CFAP57: variants seen among roughly 807,000 people sequenced by gnomAD.
The protein encoded by CFAP57 is cilia- and flagella-associated protein 57.
A neutral mutation model predicts 146.8 loss-of-function variants in CFAP57; 116 were observed. That is an observed-to-expected ratio of 0.79 (90% CI 0.68 to 0.92). CFAP57 has a LOEUF of 0.92. Among genes scored for constraint, CFAP57 ranks in the 40% least tolerant of loss-of-function variants. The pLI is 0.00. For synonymous variants in CFAP57, 518 were observed against 552.8 expected (o/e 0.94, Z 0.88); for missense variants, 1,377 against 1,527.2 (o/e 0.90, Z 1.64).
chr1:43,243,096 T>C (rs1327233044), intron 21 of CFAP57, 131 bp from the exon 22 acceptor site: 31 of 1,097,952 alleles, frequency 2.8e-5, no homozygotes, highest in Non-Finnish European at 3.7e-5. Context: ...CAGGCCCCAA[T>C]AGAGGATCCA....
chr1:43,222,054 T>A, intron 14 of CFAP57, 51 bp from the exon 15 acceptor site: 1 of 1,471,242 alleles, frequency 6.8e-7, no homozygotes, highest in East Asian at 2.6e-5. Context: ...TGGGTGTCCC[T>A]GAAGCAAGTG....
chr1:43,238,774 G>T lies in CFAP57; in HGVS notation c.3405+4136G>T. On this transcript the variant is annotated intron_variant, in intron 21 of 22. Coordinates refer to ENST00000372492, the MANE Select transcript of CFAP57 (RefSeq NM_001378189.1). The surrounding 1 kb of genome is among the most constrained non-coding windows in gnomAD (Gnocchi z 4.3). ...TGGAGGTGACATAAATGTGAGGGGG[G>T]ACAGCAGAGCCTGGAAAGCAGTAGT... 6.6e-6 allele frequency among the ~76,000 whole-genome samples: 1 copy of T among 152,090 alleles called. No individual in the cohort carries two copies. The highest frequency in any genetic ancestry group is 1.5e-5 in the Non-Finnish European group (1 of 68,014).
intron 22 of CFAP57, among the ~76,000 whole-genome samples, chr1:43,244,690 G>A (rs1646047125): frequency 6.7e-6 from 1 of 150,310 alleles, no homozygotes; most frequent in Admixed American, 6.6e-5. Flanking sequence ...AGATCACAAG[G>A]TCAAGAGATC....
intron 19 of CFAP57, among the ~76,000 whole-genome samples, chr1:43,233,240 C>T (rs1032865885): frequency 2.6e-5 from 4 of 152,212 alleles, no homozygotes; most frequent in African/African-American, 7.2e-5. Context: ...CCTGTAATCC[C>T]AGCACTTTGG....
chr1:43,193,882 C>CA (rs1164347345), intron 6 of CFAP57, among the ~76,000 whole-genome samples: 14 of 152,032 alleles, frequency 9.2e-5, no homozygotes. Flanking sequence ...ATCTGGTACA[C>CA]ATTTGTTCCC....
intron 21 of CFAP57, among the ~76,000 whole-genome samples, chr1:43,240,829 C>T (rs1381232832): frequency 2.6e-5 from 4 of 152,164 alleles, no homozygotes; most frequent in South Asian, 2.1e-4. Context: ...TGTCACATGG[C>T]GAAAGAGAGA....
chr1:43,184,020 C>G lies in CFAP57; in HGVS notation c.761+143C>G, dbSNP rs1002154495. ...ATTTTCCCTCTTCCTCTCTAGTTTT[C>G]GTCTATATTTAAGCACAGATTTAAC... On this transcript the variant is annotated intron_variant, in intron 4 of 22. Coordinates refer to ENST00000372492, the MANE Select transcript of CFAP57 (RefSeq NM_001378189.1). 4 of 984,464 alleles carry G rather than the reference C, an allele frequency of 4.1e-6. No homozygotes were observed. In the African/African-American group the frequency reaches 6.5e-5, roughly 16 times the overall value. The allele number at this position is 984,464 out of a possible 1,614,324, so 61.0% of individuals were successfully genotyped here.
rs889480879 is a variant in CFAP57 at position 43,234,611 on chromosome 1, C to T, written c.3378C>T (p.His1126=). ...AGGTGGTCAAGGAGGGCGAGCTGCA[C>T]CGCACAGACTACGTCCGCATCATGC... The part of the protein sequence containing the change: ...KKKVVKEGEL[H]RTDYVRIMQE... The change falls in exon 21 of 23, where the codon CAC becomes CAT. Residue 1126 remains histidine (H), a synonymous_variant. Coordinates refer to ENST00000372492, the MANE Select transcript of CFAP57 (RefSeq NM_001378189.1). The T allele has an allele frequency of 5.2e-6, 8 of 1,550,266 alleles. No individual in the cohort carries two copies. The African/African-American group carries it at 5.5e-5, about 11-fold the overall frequency.
At chr1:43,193,150 G>A (rs772620428) in intron 6 of CFAP57, among the ~76,000 whole-genome samples, 2 of 152,078 alleles carry the variant, frequency 1.3e-5, no homozygotes, top group African/African-American at 4.8e-5. Flanking sequence ...CTATTTTGAA[G>A]CCTATTTTGC....
chr1:43,198,606 T>C lies in CFAP57; in HGVS notation c.1388T>C (p.Ile463Thr). ...LRLMNLLIDD[I>T]RSFKEYSVRG... ...CTCATGAATCTACTCATTGATGATA[T>C]ACGTTCTTTCAAAGAATACTCTGTT... The change falls in exon 8 of 23, where the codon ATA (isoleucine) becomes ACA (threonine). Residue 463 changes from isoleucine (I) to threonine (T), a missense_variant. Coordinates refer to ENST00000372492, the MANE Select transcript of CFAP57 (RefSeq NM_001378189.1). 1 of 1,614,070 alleles carries C rather than the reference T, an allele frequency of 6.2e-7. No individual in the cohort carries two copies. The highest frequency in any genetic ancestry group is 8.5e-7 in the Non-Finnish European group (1 of 1,179,994).
intron 21 of CFAP57, among the ~76,000 whole-genome samples, chr1:43,241,549 G>A (rs3898794): frequency 0.34 from 51,715 of 151,850 alleles, 10,192 homozygotes; most frequent in East Asian, 0.58. Flanking sequence ...CTCTGACTCC[G>A]TAGCCACCAC....
chr1:43,185,411 C>T (rs567258926), intron 5 of CFAP57, 55 bp downstream of exon 5: 5 of 1,537,712 alleles, frequency 3.3e-6, no homozygotes, highest in Admixed American at 1.7e-5. Context: ...GCATTTGTTC[C>T]CCAGCAGCAG....
In CFAP57 at chr1:43,224,034, T is replaced by A; in HGVS notation, c.2707-12T>A. On this transcript the variant is annotated splice_polypyrimidine_tract_variant and intron_variant, in intron 16 of 22. Transcript: ENST00000372492. ...CTTTAGTGGTCTTTGTTGTTGCTGTTCGCTTTTCTAGTTCAGCAGCCTACA... is the reference window on the plus strand; with the variant it reads ...CTTTAGTGGTCTTTGTTGTTGCTGTACGCTTTTCTAGTTCAGCAGCCTACA... 6.5e-7 allele frequency: 1 copy of A among 1,550,254 alleles called. No homozygotes were observed. Among genetic ancestry groups the A allele is most frequent in the Non-Finnish European group, 8.7e-7 (1 of 1,146,812 alleles).
intron 21 of CFAP57, among the ~76,000 whole-genome samples, chr1:43,240,519 C>T (rs1267453900): frequency 1.3e-5 from 2 of 152,186 alleles, no homozygotes; most frequent in African/African-American, 4.8e-5. Flanking sequence ...CTACAATCAG[C>T]AAGGCCTGGG....
Position 43,215,126 on chromosome 1 carries a change from G to T in CFAP57, c.1930-129G>T, listed in dbSNP as rs925807968. The T allele has an allele frequency of 7.8e-5, 80 of 1,023,112 alleles. No homozygotes were observed. In the African/African-American group the frequency reaches 8.0e-4, roughly 10 times the overall value. 63.4% of individuals were successfully genotyped at this position (1,023,112 alleles called of 1,614,324 possible). A position where few individuals can be genotyped will look rare whatever the true frequency, so the allele number is the denominator to read the frequency against. ...AGGGCTCCTCTCTCATTCTTACCTG[G>T]GATCAAGTTTACCTCCCTGTGAGGC... On this transcript the variant is annotated intron_variant, in intron 11 of 22. Coordinates refer to ENST00000372492, the MANE Select transcript of CFAP57 (RefSeq NM_001378189.1).
intron 21 of CFAP57, among the ~76,000 whole-genome samples, chr1:43,239,486 A>C (rs1645827439): frequency 6.6e-6 from 1 of 152,162 alleles, no homozygotes; most frequent in Admixed American, 6.5e-5. Flanking sequence ...GCAGGGCTCC[A>C]CTTGCCGGGG....
intron 1 of CFAP57, 120 bp downstream of exon 1, chr1:43,172,573 A>C (rs1569747066): frequency 3.4e-6 from 2 of 582,310 alleles, no homozygotes; most frequent in South Asian, 1.8e-5. Context: ...GGGGGAGGGG[A>C]AAGGGGAGGG....
intron 2 of CFAP57, among the ~76,000 whole-genome samples, chr1:43,174,318 A>G (rs547123584): frequency 9.2e-5 from 14 of 152,246 alleles, no homozygotes; most frequent in Non-Finnish European, 2.1e-4. Flanking sequence ...AATAAGCTGT[A>G]TTAAATACAG....
chr1:43,249,763 C>T (rs968963758), intron 22 of CFAP57, among the ~76,000 whole-genome samples: 3 of 151,852 alleles, frequency 2.0e-5, no homozygotes, highest in African/African-American at 7.3e-5. Context: ...TTCTTAATAG[C>T]CAGTGAACAT....
Sources: gnomAD v4.1 joint callset for allele counts (sites outside exome capture counted in the v4.1 genomes callset) on GRCh38, gnomAD v4.1.1 for gene constraint, Gnocchi (gnomAD v3.1) non-coding constraint, MANE v1.5 for transcripts, NCBI Gene and HGNC (gene_info 2026-07-23, HGNC 2026-07-21) for gene names.